NFU1: variants seen among roughly 807,000 people sequenced by gnomAD.
NFU1 encodes the protein NFU1 iron-sulfur cluster scaffold.
NFU1 carries 30 observed loss-of-function variants against 32.2 expected under a neutral mutation model. That is an observed-to-expected ratio of 0.93 (90% CI 0.70 to 1.26). The LOEUF is 1.26. Ranked by LOEUF, NFU1 falls within the 50% of genes most tolerant of loss-of-function variation. The pLI, the probability that NFU1 is intolerant of heterozygous loss-of-function variation, is 0.00. For synonymous variants in NFU1, 112 were observed against 104.6 expected (o/e 1.07, Z -0.43); for missense variants, 306 against 306.6 (o/e 1.00, Z 0.02).
At chr2:69,403,654 A>C (rs925250674) in intron 6 of NFU1, among the ~76,000 whole-genome samples, 1 of 150,818 alleles carries the variant, frequency 6.6e-6, no homozygotes, top group Admixed American at 6.6e-5. Context: ...AAAGTGCTGG[A>C]ATTATAGGTG....
rs1553401330 is a variant in NFU1, at chr2:69,424,201, A to ATATATGTATATG, written c.167-485_167-484insCATATACATATA. ...AAAAAAAAAAAAAAAAAAAAAAAAT[A>ATATATGTATATG]TATATATATATATATATATCTCAAT... On this transcript the variant is annotated intron_variant, in intron 2 of 7. Transcript: ENST00000410022. Among the ~76,000 whole-genome samples the ATATATGTATATG allele has an allele frequency of 6.1e-5, 5 of 82,176 alleles. No homozygotes were observed. In the East Asian group the frequency reaches 1.6e-3, roughly 26 times the overall value. The allele number at this position is 82,176 out of a possible 152,430, so 53.9% of individuals were successfully genotyped here.
chr2:69,410,087 T>C (rs13388653), intron 5 of NFU1, among the ~76,000 whole-genome samples: 56,606 of 151,932 alleles, frequency 0.37, 10,997 homozygotes, highest in Middle Eastern at 0.45. Context: ...TTAGAAAACA[T>C]TATTTTAAAA....
At chr2:69,408,704 T>C in intron 5 of NFU1, among the ~76,000 whole-genome samples, 1 of 114,160 alleles carries the variant, frequency 8.8e-6, no homozygotes, top group African/African-American at 3.5e-5. Context: ...TGGGTGACAG[T>C]GAAACACCGT....
chr2:69,412,511 C>G (rs1474010633), intron 5 of NFU1, among the ~76,000 whole-genome samples: 1 of 151,938 alleles, frequency 6.6e-6, no homozygotes, highest in African/African-American at 2.4e-5. Context: ...CCCAGCCTCC[C>G]GAGTAGCTGG....
chr2:69,429,601 G>A (rs1673572885), intron 2 of NFU1, among the ~76,000 whole-genome samples: 1 of 151,814 alleles, frequency 6.6e-6, no homozygotes, highest in Non-Finnish European at 1.5e-5. Context: ...AATCCTTGAG[G>A]GTAAAAACTA....
At chr2:69,399,230 A>G in intron 7 of NFU1, 1 of 318,376 alleles carries the variant, frequency 3.1e-6, no homozygotes, top group East Asian at 9.8e-5. Context: ...AAAAAAAAGA[A>G]TGAATTACCT....
upstream of NFU1, among the ~76,000 whole-genome samples, chr2:69,438,843 A>C (rs1673948477): frequency 2.0e-5 from 3 of 148,334 alleles, no homozygotes; most frequent in African/African-American, 5.0e-5. Flanking sequence ...GCTTTTAACT[A>C]CTAGTGATCT....
chr2:69,408,577 G>A (rs1405256515), intron 5 of NFU1, among the ~76,000 whole-genome samples: 4 of 151,824 alleles, frequency 2.6e-5, no homozygotes, highest in East Asian at 3.9e-4. Flanking sequence ...GAAATTAGCC[G>A]GGAGTGGTGG....
intron 4 of NFU1, among the ~76,000 whole-genome samples, chr2:69,418,367 T>A (rs189141919): frequency 2.7e-4 from 41 of 152,320 alleles, no homozygotes; most frequent in African/African-American, 9.4e-4. Context: ...GCCACTGCAC[T>A]CTGACCTGGG....
At position 69,433,065 on chromosome 2, in the gene NFU1, G is replaced by T. The variant is rs184596532; in HGVS notation, c.63-1060C>A. Among the ~76,000 whole-genome samples, 5 of 143,788 alleles carry T rather than the reference G, an allele frequency of 3.5e-5. No individual in the cohort carries two copies. In the East Asian group the frequency reaches 1.0e-3, roughly 30 times the overall value. 94.3% of individuals were successfully genotyped at this position (143,788 alleles called of 152,430 possible). On this transcript the variant is annotated intron_variant, in intron 1 of 7. Coordinates refer to ENST00000410022, the MANE Select transcript of NFU1 (RefSeq NM_001002755.4). The stretch of plus-strand genomic sequence containing the variant: ...CTCGGGAGGCTGAGGCAGAGGAATC[G>T]CTTGAACCCAGGAGGCGTAGGTTGC...
chr2:69,404,140 CAATT>C (rs986818938), intron 6 of NFU1, among the ~76,000 whole-genome samples: 5 of 150,854 alleles, frequency 3.3e-5, no homozygotes, highest in Non-Finnish European at 7.4e-5. Flanking sequence ...ACCCGGCCTC[CAATT>C]AATTATTCTT....
intron 2 of NFU1, 29 bp downstream of exon 2, chr2:69,431,873 C>A: frequency 7.5e-7 from 1 of 1,335,824 alleles, no homozygotes. Context: ...TTCTGAAACA[C>A]AACTGCTATA....
intron 4 of NFU1, among the ~76,000 whole-genome samples, chr2:69,417,345 A>G (rs1482216706): frequency 6.6e-6 from 1 of 152,124 alleles, no homozygotes; most frequent in East Asian, 1.9e-4. Flanking sequence ...TATTCCGTCT[A>G]TTAAATACCA....
Position 69,410,303 on chromosome 2 carries a change from C to T in NFU1, c.485-4221G>A, listed in dbSNP as rs1440586077. On this transcript the variant is annotated intron_variant, in intron 5 of 7. Coordinates refer to ENST00000410022, the MANE Select transcript of NFU1 (RefSeq NM_001002755.4). ...GCTCAGGTGGCTGAGGCAGGAGAATCGCTTGAACCTGGGAGGTGGAGGTTG... is the reference window on the plus strand; with the variant it reads ...GCTCAGGTGGCTGAGGCAGGAGAATTGCTTGAACCTGGGAGGTGGAGGTTG... 3.9e-5 allele frequency among the ~76,000 whole-genome samples: 6 copies of T among 152,172 alleles called. No homozygotes were observed. The East Asian group carries it at 5.8e-4, about 15-fold the overall frequency.
chr2:69,433,085 GGTT>G (rs1673700380), intron 1 of NFU1, among the ~76,000 whole-genome samples: 4 of 145,080 alleles, frequency 2.8e-5, no homozygotes. Context: ...AGGAGGCGTA[GGTT>G]GCAGTGAGCC....
intron 7 of NFU1, among the ~76,000 whole-genome samples, 189 bp downstream of exon 7, chr2:69,400,175 A>G (rs1672473937): frequency 6.6e-6 from 1 of 152,112 alleles, no homozygotes; most frequent in Admixed American, 6.6e-5. Context: ...GCCCAGCCCA[A>G]AGTTACTTCT....
chr2:69,401,881 C>G (rs1272297316), intron 6 of NFU1, among the ~76,000 whole-genome samples: 1 of 145,286 alleles, frequency 6.9e-6, no homozygotes, highest in African/African-American at 2.6e-5. Context: ...TTAGTGGCTA[C>G]TTGATTATCT....
At chr2:69,439,208 C>T (rs1673976648), upstream of NFU1, among the ~76,000 whole-genome samples, 1 of 152,154 alleles carries the variant, frequency 6.6e-6, no homozygotes, top group Non-Finnish European at 1.5e-5. Flanking sequence ...TCCCACCATT[C>T]TTAGGGCCTG....
intron 4 of NFU1, among the ~76,000 whole-genome samples, chr2:69,418,182 T>C (rs1673118933): frequency 1.3e-5 from 2 of 152,138 alleles, no homozygotes; most frequent in African/African-American, 2.4e-5. Context: ...AGCAGATTGT[T>C]TGAGCTCAGA....
Sources: gnomAD v4.1 joint callset for allele counts (sites outside exome capture counted in the v4.1 genomes callset) on GRCh38, gnomAD v4.1.1 for gene constraint, MANE v1.5 for transcripts, NCBI Gene and HGNC (gene_info 2026-07-23, HGNC 2026-07-21) for gene names.